LUZP2: variants seen among roughly 807,000 people sequenced by gnomAD.
The protein encoded by LUZP2 is leucine zipper protein 2.
LUZP2 carries 52 observed loss-of-function variants against 51.6 expected under a neutral mutation model. The observed-to-expected ratio is 1.01, with a 90% CI of 0.81 to 1.27. LUZP2 has a LOEUF of 1.27. Among genes scored for constraint, LUZP2 ranks in the 50% most tolerant of loss-of-function variants. The probability of loss-of-function intolerance (pLI) is 0.00; values close to 1 mark genes in which losing one functional copy is unlikely to be tolerated. For missense variants in LUZP2, 436 were observed against 395.4 expected, an observed-to-expected ratio of 1.10 and a Z score of -0.87; for synonymous variants, 154 against 137.3, an observed-to-expected ratio of 1.12 and a Z score of -0.85.
intron 9 of LUZP2, among the ~76,000 whole-genome samples, chr11:25,035,535 G>GTA (rs981564644): frequency 6.6e-6 from 1 of 151,884 alleles, no homozygotes; most frequent in Admixed American, 6.6e-5. Flanking sequence ...AAAAAACCAG[G>GTA]TATGACACAA....
rs146502031 is a variant in LUZP2 at position 24,872,118 on chromosome 11, T to G, written c.397-33873T>G. Among the ~76,000 whole-genome samples, 857 of 152,248 alleles carry G rather than the reference T, an allele frequency of 5.6e-3. 4 individuals are homozygous for G. The highest frequency in any genetic ancestry group is 0.02 in the African/African-American group (825 of 41,548). The stretch of plus-strand genomic sequence containing the variant: ...TATTGTCCGGGTTCTGATTTCCTTG[T>G]ATGTGTCAGACACCATCCTTCTCAA... On this transcript the variant is annotated intron_variant, in intron 5 of 11. Transcript: ENST00000336930.
intron 9 of LUZP2, among the ~76,000 whole-genome samples, chr11:25,015,869 G>T (rs1486256501): frequency 1.3e-5 from 2 of 150,468 alleles, no homozygotes; most frequent in African/African-American, 4.9e-5. Context: ...TTACATGAAC[G>T]AATTGTATAG....
At chr11:24,788,890 A>C (rs1453745592) in intron 5 of LUZP2, among the ~76,000 whole-genome samples, 1 of 152,110 alleles carries the variant, frequency 6.6e-6, no homozygotes, top group East Asian at 1.9e-4. Context: ...CACATTATGA[A>C]GGGCAATCTC....
At chr11:25,016,757 T>C (rs1379668314) in intron 9 of LUZP2, among the ~76,000 whole-genome samples, 2 of 152,156 alleles carry the variant, frequency 1.3e-5, no homozygotes, top group Non-Finnish European at 2.9e-5. Context: ...GTCTTTTTCA[T>C]ATGATGACTT....
intron 1 of LUZP2, among the ~76,000 whole-genome samples, chr11:24,602,387 T>TATATAC (rs377367310): frequency 1.5e-5 from 2 of 129,516 alleles, no homozygotes; most frequent in African/African-American, 5.7e-5. Context: ...TATATATATA[T>TATATAC]ACACACACAC....
intron 1 of LUZP2, among the ~76,000 whole-genome samples, chr11:24,680,697 G>A (rs1856704452): frequency 6.6e-6 from 1 of 152,112 alleles, no homozygotes. Context: ...TATAATGACT[G>A]GCCAGAAAAT....
Position 25,077,299 on chromosome 11 carries a change from T to C in LUZP2, c.859-30T>C, listed in dbSNP as rs754954254. On this transcript the variant is annotated intron_variant, in intron 10 of 11. Coordinates refer to ENST00000336930, the MANE Select transcript of LUZP2 (RefSeq NM_001009909.4). ...CCTCCACTTTCTTTCTTTAACTTCA[T>C]TGATGTATTTTTAATTGCTACTTTT... 39 of 1,509,032 alleles carry C rather than the reference T, an allele frequency of 2.6e-5. No individual in the cohort carries two copies. The East Asian group carries it at 6.8e-4, about 26-fold the overall frequency. 93.5% of individuals were successfully genotyped at this position (1,509,032 alleles called of 1,614,324 possible).
chr11:24,703,196 A>G (rs1947130964), intron 1 of LUZP2, among the ~76,000 whole-genome samples: 1 of 152,170 alleles, frequency 6.6e-6, no homozygotes, highest in Non-Finnish European at 1.5e-5. Context: ...ATTCCTAGGA[A>G]GATTCCTCCT....
chr11:24,647,517 A>G (rs1855499230), intron 1 of LUZP2, among the ~76,000 whole-genome samples: 1 of 151,942 alleles, frequency 6.6e-6, no homozygotes, highest in African/African-American at 2.4e-5. Context: ...ATTTTCTTTC[A>G]TGAGAAATAG....
chr11:24,502,136 C>T (rs1850012602), intron 1 of LUZP2, among the ~76,000 whole-genome samples: 1 of 139,878 alleles, frequency 7.1e-6, no homozygotes, highest in East Asian at 1.9e-4. Context: ...TCCCTAAGTA[C>T]TCAACAAAGG....
chr11:24,771,957 T>G (rs2134053434), intron 5 of LUZP2, among the ~76,000 whole-genome samples: 1 of 152,236 alleles, frequency 6.6e-6, no homozygotes, highest in East Asian at 1.9e-4. Context: ...CCTCTTTCCT[T>G]TATAAATTAC....
At chr11:24,894,866 CA>C (rs1279988183) in intron 5 of LUZP2, among the ~76,000 whole-genome samples, 1 of 151,996 alleles carries the variant, frequency 6.6e-6, no homozygotes, top group Non-Finnish European at 1.5e-5. Flanking sequence ...AGGGAGATCA[CA>C]AAAAACTTTC....
chr11:24,693,239 T>A (rs1275642908), intron 1 of LUZP2, among the ~76,000 whole-genome samples: 1 of 151,754 alleles, frequency 6.6e-6, no homozygotes, highest in Non-Finnish European at 1.5e-5. Flanking sequence ...GCATGGTTTT[T>A]ATACAGCATT....
chr11:24,719,247 T>C (rs1858171019), intron 1 of LUZP2, among the ~76,000 whole-genome samples: 1 of 152,220 alleles, frequency 6.6e-6, no homozygotes, highest in African/African-American at 2.4e-5. Flanking sequence ...GAACCTGAAC[T>C]AGGATAGTAA....
intron 5 of LUZP2, among the ~76,000 whole-genome samples, chr11:24,879,738 A>G (rs979397471): frequency 3.3e-5 from 5 of 152,122 alleles, no homozygotes; most frequent in African/African-American, 1.2e-4. Flanking sequence ...GTGTCTGTTC[A>G]TATCCTTTGC....
intron 1 of LUZP2, among the ~76,000 whole-genome samples, chr11:24,654,817 G>A (rs1041561281): frequency 6.8e-5 from 10 of 146,452 alleles, no homozygotes; most frequent in East Asian, 1.9e-4. Context: ...GAGCCACCGC[G>A]CCCGGCCTAC....
At chr11:24,669,963 A>AATAAATTG (rs1401660935) in intron 1 of LUZP2, among the ~76,000 whole-genome samples, 2 of 152,110 alleles carry the variant, frequency 1.3e-5, no homozygotes, top group African/African-American at 2.4e-5. Flanking sequence ...TAGAGATGAC[A>AATAAATTG]ATAAATTGTA....
chr11:24,897,372 C>T (rs1353228132), intron 5 of LUZP2, among the ~76,000 whole-genome samples: 1 of 152,194 alleles, frequency 6.6e-6, no homozygotes, highest in Non-Finnish European at 1.5e-5. Flanking sequence ...TCTTGTTCTG[C>T]TCTTTCTTTG....
At chr11:24,549,347 A>C (rs1002440597) in intron 1 of LUZP2, among the ~76,000 whole-genome samples, 2 of 152,078 alleles carry the variant, frequency 1.3e-5, no homozygotes, top group Non-Finnish European at 2.9e-5. Flanking sequence ...GGGCATCAGC[A>C]CACACGGAGC....
Sources: gnomAD v4.1 joint callset for allele counts (sites outside exome capture counted in the v4.1 genomes callset) on GRCh38, gnomAD v4.1.1 for gene constraint, MANE v1.5 for transcripts, NCBI Gene and HGNC (gene_info 2026-07-23, HGNC 2026-07-21) for gene names.